The following SMYD3 variants were observed in gnomAD, a reference collection of about 807,000 sequenced individuals.
The protein encoded by SMYD3 is SET and MYND domain containing 3.
In SMYD3, 36 loss-of-function variants were observed where a neutral mutation model predicts 57.7. The observed-to-expected ratio is 0.62, with a 90% CI of 0.48 to 0.82. SMYD3 has a LOEUF of 0.82. Among genes scored for constraint, SMYD3 ranks in the 40% least tolerant of loss-of-function variants. The pLI, the probability that SMYD3 is intolerant of heterozygous loss-of-function variation, is 0.00. For missense variants in SMYD3, 515 were observed against 538.8 expected (o/e 0.96, Z 0.44); for synonymous variants, 211 against 195.0 (o/e 1.08, Z -0.68).
chr1:246,123,682 T>C (rs1041888039), intron 5 of SMYD3, among the ~76,000 whole-genome samples: 5 of 152,020 alleles, frequency 3.3e-5, no homozygotes, highest in African/African-American at 9.7e-5. Flanking sequence ...TTTATTTTTG[T>C]CCCTAATAAA....
chr1:246,335,540 G>T, intron 2 of SMYD3, 66 bp from the exon 3 acceptor site: 1 of 1,239,644 alleles, frequency 8.1e-7, no homozygotes, highest in South Asian at 1.2e-5. Context: ...TACTGGTTTT[G>T]AACATCAAGA....
intron 10 of SMYD3, among the ~76,000 whole-genome samples, chr1:245,771,434 A>G (rs7530952): frequency 0.32 from 48,125 of 152,124 alleles, 8,262 homozygotes; most frequent in East Asian, 0.59. Flanking sequence ...GATGGACTTC[A>G]GGAGATAGCC....
chr1:245,836,550 G>C (rs1277265163), intron 10 of SMYD3, among the ~76,000 whole-genome samples: 5 of 152,158 alleles, frequency 3.3e-5, no homozygotes, highest in Admixed American at 3.3e-4. Flanking sequence ...TGTTCCATCC[G>C]CTGCTGGGCA....
intron 5 of SMYD3, among the ~76,000 whole-genome samples, chr1:246,222,086 T>G (rs920930437): frequency 2.0e-5 from 3 of 152,108 alleles, no homozygotes; most frequent in African/African-American, 4.8e-5. Context: ...ATTGGAAGGG[T>G]GTAAAACTCA....
chr1:245,910,560 G>C (rs1376401526), intron 8 of SMYD3, among the ~76,000 whole-genome samples: 1 of 152,022 alleles, frequency 6.6e-6, no homozygotes, highest in African/African-American at 2.4e-5. Flanking sequence ...AGTAAGCATG[G>C]TACTAGCATA....
intron 8 of SMYD3, among the ~76,000 whole-genome samples, chr1:245,867,931 G>A (rs1348383343): frequency 1.3e-5 from 2 of 152,212 alleles, no homozygotes; most frequent in African/African-American, 2.4e-5. Flanking sequence ...CAGAGCTTGT[G>A]GACTGCAGTG....
intron 1 of SMYD3, among the ~76,000 whole-genome samples, chr1:246,407,391 C>G (rs555390222): frequency 6.6e-6 from 1 of 152,332 alleles, no homozygotes; most frequent in Non-Finnish European, 1.5e-5. Flanking sequence ...CCAAAGACAA[C>G]ACAGCTGTAT....
intron 7 of SMYD3, among the ~76,000 whole-genome samples, chr1:245,922,394 A>G (rs1436935024): frequency 6.6e-6 from 1 of 152,240 alleles, no homozygotes; most frequent in African/African-American, 2.4e-5. Context: ...ATGGAAAATA[A>G]TCTGTGTAGA....
chr1:245,866,295 T>C (rs555971569), intron 8 of SMYD3, among the ~76,000 whole-genome samples: 7 of 150,716 alleles, frequency 4.6e-5, no homozygotes, highest in Non-Finnish European at 1.0e-4. Context: ...TTTGTGGGCC[T>C]CTATGTGTAT....
chr1:245,981,278 G>C (rs575133913), intron 5 of SMYD3, among the ~76,000 whole-genome samples: 1 of 152,218 alleles, frequency 6.6e-6, no homozygotes, highest in Non-Finnish European at 1.5e-5. Flanking sequence ...CCAGTGTCCC[G>C]AAGCTCTGCC....
intron 5 of SMYD3, among the ~76,000 whole-genome samples, chr1:246,147,440 C>T (rs572041346): frequency 7.9e-5 from 12 of 152,208 alleles, no homozygotes; most frequent in African/African-American, 2.4e-4. Context: ...AGGACGTGCT[C>T]GGTGGTTGTA....
At chr1:246,020,386 T>A (rs981657700) in intron 5 of SMYD3, among the ~76,000 whole-genome samples, 3 of 152,210 alleles carry the variant, frequency 2.0e-5, no homozygotes, top group Non-Finnish European at 4.4e-5. Flanking sequence ...GGAAATTACA[T>A]AATGAAGAGA....
At chr1:246,264,428 T>C (rs1360607431) in intron 5 of SMYD3, among the ~76,000 whole-genome samples, 1 of 152,220 alleles carries the variant, frequency 6.6e-6, no homozygotes, top group Non-Finnish European at 1.5e-5. Flanking sequence ...GGTAGGAGGA[T>C]GGCTTCAGCC....
In SMYD3 at chr1:246,486,590, A is replaced by G. The variant is rs80047455; in HGVS notation, c.164+20464T>C. 8.9e-3 allele frequency among the ~76,000 whole-genome samples: 1,357 copies of G among 152,292 alleles called. 27 individuals carry two copies. The highest frequency in any genetic ancestry group is 0.031 in the African/African-American group (1,272 of 41,548). On this transcript the variant is annotated intron_variant, in intron 1 of 11. Transcript: ENST00000490107. Reference sequence around the variant, plus strand: ...TGACACAGATAGGAATTATAACCCCATTTCATTCATTCTGTAGATGAAGAA... The same window carrying G: ...TGACACAGATAGGAATTATAACCCCGTTTCATTCATTCTGTAGATGAAGAA...
At chr1:245,844,100 CCAGGAGG>C (rs1226619492) in intron 10 of SMYD3, among the ~76,000 whole-genome samples, 1 of 152,118 alleles carries the variant, frequency 6.6e-6, no homozygotes, top group Non-Finnish European at 1.5e-5. Flanking sequence ...CCTCCTCTGG[CCAGGAGG>C]AAAACTCTTC....
intron 5 of SMYD3, among the ~76,000 whole-genome samples, chr1:246,097,372 A>C (rs548491387): frequency 6.6e-6 from 1 of 152,272 alleles, no homozygotes; most frequent in South Asian, 2.1e-4. Context: ...GTATGTGGCA[A>C]GCAGCAGGAT....
At chr1:246,258,128 C>T (rs1029582777) in intron 5 of SMYD3, among the ~76,000 whole-genome samples, 19 of 152,144 alleles carry the variant, frequency 1.2e-4, no homozygotes, top group Non-Finnish European at 2.2e-4. Context: ...CCTCTGCCTC[C>T]TGGGTTCAAG....
chr1:245,889,413 C>G (rs192715219), intron 8 of SMYD3, among the ~76,000 whole-genome samples: 39 of 152,282 alleles, frequency 2.6e-4, no homozygotes, highest in Non-Finnish European at 4.6e-4. Flanking sequence ...GAGCCCACAG[C>G]TGCCCACACC....
intron 2 of SMYD3, among the ~76,000 whole-genome samples, chr1:246,337,535 T>A (rs1259245102): frequency 2.0e-5 from 3 of 152,210 alleles, no homozygotes; most frequent in African/African-American, 7.2e-5. Flanking sequence ...GGCGTTAGTT[T>A]TCCTTTGATT....
Sources: allele counts gnomAD v4.1 joint callset (sites outside exome capture counted in the v4.1 genomes callset), GRCh38; gene constraint gnomAD v4.1.1; transcripts MANE v1.5; gene names NCBI Gene and HGNC (gene_info 2026-07-23, HGNC 2026-07-21).